The following NOS1AP variants were observed in gnomAD, a reference collection of about 807,000 sequenced individuals.
The protein encoded by NOS1AP is carboxyl-terminal PDZ ligand of neuronal nitric oxide synthase protein.
NOS1AP carries 21 observed loss-of-function variants against 56.2 expected under a neutral mutation model. That is an observed-to-expected ratio of 0.37 (90% CI 0.26 to 0.54). The LOEUF (loss-of-function observed/expected upper bound fraction) is 0.54, where lower values mean the gene tolerates loss of function less well. Ranked by LOEUF, NOS1AP falls within the 20% of genes least tolerant of loss-of-function variation. NOS1AP has a pLI of 0.84. For synonymous variants in NOS1AP, 270 were observed against 274.6 expected, an observed-to-expected ratio of 0.98 and a Z score of 0.17; for missense variants, 522 against 657.8, an observed-to-expected ratio of 0.79 and a Z score of 2.26.
intron 2 of NOS1AP, among the ~76,000 whole-genome samples, chr1:162,210,123 A>G (rs1652299432): frequency 6.6e-6 from 1 of 152,210 alleles, no homozygotes; most frequent in Non-Finnish European, 1.5e-5. Flanking sequence ...AAGACTGATT[A>G]TATGGGAGGG....
At chr1:162,288,720 G>T (rs1655166553) in intron 3 of NOS1AP, among the ~76,000 whole-genome samples, 1 of 152,162 alleles carries the variant, frequency 6.6e-6, no homozygotes, top group Admixed American at 6.5e-5. Flanking sequence ...TTTAGAAAGT[G>T]TTTTATGGCT....
chr1:162,114,001 TAACA>T (rs1647820089), intron 1 of NOS1AP, among the ~76,000 whole-genome samples: 1 of 152,122 alleles, frequency 6.6e-6, no homozygotes. Context: ...AAAAACACAA[TAACA>T]ACAATGGGAG....
At chr1:162,330,137 A>G (rs1308939495) in intron 4 of NOS1AP, among the ~76,000 whole-genome samples, 2 of 152,248 alleles carry the variant, frequency 1.3e-5, no homozygotes, top group Non-Finnish European at 2.9e-5. Flanking sequence ...AGGGTATTAC[A>G]TAAGAATAAG....
intron 2 of NOS1AP, among the ~76,000 whole-genome samples, chr1:162,225,460 A>G (rs1300754220): frequency 6.6e-6 from 1 of 152,214 alleles, no homozygotes; most frequent in Non-Finnish European, 1.5e-5. Flanking sequence ...GTACAATAGT[A>G]TCCACAGTGC....
intron 2 of NOS1AP, among the ~76,000 whole-genome samples, chr1:162,222,402 C>T (rs1254113625): frequency 6.6e-6 from 1 of 152,158 alleles, no homozygotes; most frequent in African/African-American, 2.4e-5. Flanking sequence ...AATGAAAGAG[C>T]TCATTATGGA....
intron 1 of NOS1AP, among the ~76,000 whole-genome samples, chr1:162,146,590 C>T (rs75005982): frequency 0.016 from 2,405 of 152,272 alleles, 44 homozygotes; most frequent in East Asian, 0.055. Context: ...TGCTGCCAGA[C>T]GAGATGCCCC....
At chr1:162,332,261 C>T (rs951511962) in intron 4 of NOS1AP, among the ~76,000 whole-genome samples, 13 of 152,350 alleles carry the variant, frequency 8.5e-5, no homozygotes, top group African/African-American at 2.6e-4. Flanking sequence ...CTCAGCCTCT[C>T]AGTGTGACCT....
chr1:162,280,726 A>G (rs1367245943), intron 2 of NOS1AP, among the ~76,000 whole-genome samples: 3 of 152,146 alleles, frequency 2.0e-5, no homozygotes, highest in African/African-American at 7.2e-5. Context: ...GATTGCAGAG[A>G]TTTTATTTAT....
intron 2 of NOS1AP, among the ~76,000 whole-genome samples, chr1:162,236,545 C>T (rs1158774485): frequency 2.0e-5 from 3 of 152,214 alleles, no homozygotes; most frequent in Admixed American, 2.0e-4. Context: ...ACACCCTTTG[C>T]CCATATGTTA....
At position 162,364,148 on chromosome 1, in the gene NOS1AP, T is replaced by A. The variant is rs1657989116; in HGVS notation, c.940-1256T>A. ...TTTGGAGCAAACTCCTCTTCAGAAATTTGAGCACTTGTTTTCTGAGCAAGG... is the reference window on the plus strand; with the variant it reads ...TTTGGAGCAAACTCCTCTTCAGAAAATTGAGCACTTGTTTTCTGAGCAAGG... On this transcript the variant is annotated intron_variant, in intron 8 of 9. Coordinates refer to ENST00000361897, the MANE Select transcript of NOS1AP (RefSeq NM_014697.3). The A allele has an allele frequency of 3.0e-6, 3 of 985,296 alleles. No individual in the cohort carries two copies. In the South Asian group the frequency reaches 1.4e-4, roughly 46 times the overall value. The allele number at this position is 985,296 out of a possible 1,614,324, so 61.0% of individuals were successfully genotyped here.
chr1:162,345,078 A>G (rs966840208), intron 6 of NOS1AP, among the ~76,000 whole-genome samples: 1 of 152,224 alleles, frequency 6.6e-6, no homozygotes, highest in African/African-American at 2.4e-5. Flanking sequence ...TTGGATGGGA[A>G]AGCTCAACAT....
intron 2 of NOS1AP, among the ~76,000 whole-genome samples, chr1:162,230,877 A>G (rs1201152515): frequency 1.3e-5 from 2 of 152,188 alleles, no homozygotes; most frequent in South Asian, 2.1e-4. Flanking sequence ...TATTTTGTGT[A>G]TACATTCATA....
intron 4 of NOS1AP, among the ~76,000 whole-genome samples, chr1:162,309,850 T>A (rs1386556277): frequency 1.3e-5 from 2 of 152,228 alleles, no homozygotes; most frequent in South Asian, 2.1e-4. Flanking sequence ...GGAAGGTTTT[T>A]AAAGTATGTG....
intron 4 of NOS1AP, among the ~76,000 whole-genome samples, chr1:162,325,163 C>G (rs1325536714): frequency 6.6e-6 from 1 of 152,032 alleles, no homozygotes; most frequent in African/African-American, 2.4e-5. Context: ...TAAAAGCAAG[C>G]CAGCTGATGT....
chr1:162,079,646 C>T (rs985178813), intron 1 of NOS1AP, among the ~76,000 whole-genome samples: 1 of 152,162 alleles, frequency 6.6e-6, no homozygotes, highest in Non-Finnish European at 1.5e-5. Context: ...AGGATTGAAT[C>T]AGTAGTACCT....
chr1:162,248,497 T>C (rs1653746708), intron 2 of NOS1AP, among the ~76,000 whole-genome samples: 1 of 152,202 alleles, frequency 6.6e-6, no homozygotes, highest in Non-Finnish European at 1.5e-5. Context: ...GTGGCTATTA[T>C]GAAGTAGCAG....
chr1:162,364,462 C>T (rs1658003295), intron 8 of NOS1AP: 4 of 985,476 alleles, frequency 4.1e-6, no homozygotes, highest in Non-Finnish European at 4.8e-6. Context: ...AAACCAGGGT[C>T]CTGGTCTGGT....
In NOS1AP at chr1:162,322,505, C is replaced by T. The variant is rs550005443; in HGVS notation, c.345-10512C>T. Among the ~76,000 whole-genome samples, 7 of 152,238 alleles carry T rather than the reference C, an allele frequency of 4.6e-5. 1 individual carries two copies. In the South Asian group the frequency reaches 1.5e-3, roughly 32 times the overall value. Reference sequence around the variant, plus strand: ...GGCATGAGAGGTATGGAGTTAGAGTCAGGTACAGAGGGAGTTATGGTGGGA... The same window carrying T: ...GGCATGAGAGGTATGGAGTTAGAGTTAGGTACAGAGGGAGTTATGGTGGGA... On this transcript the variant is annotated intron_variant, in intron 4 of 9. Coordinates refer to ENST00000361897, the MANE Select transcript of NOS1AP (RefSeq NM_014697.3).
intron 1 of NOS1AP, among the ~76,000 whole-genome samples, chr1:162,131,615 C>G (rs952457493): frequency 2.0e-5 from 3 of 151,930 alleles, no homozygotes; most frequent in Admixed American, 6.6e-5. Context: ...GGACATTTCC[C>G]TGGGAGGTTG....
Sources: gnomAD v4.1 joint callset for allele counts (sites outside exome capture counted in the v4.1 genomes callset) on GRCh38, gnomAD v4.1.1 for gene constraint, MANE v1.5 for transcripts, NCBI Gene and HGNC (gene_info 2026-07-23, HGNC 2026-07-21) for gene names.